The following CHCHD6 variants were observed in gnomAD, a reference collection of about 807,000 sequenced individuals.
CHCHD6 encodes the protein coiled-coil-helix-coiled-coil-helix domain containing 6.
A neutral mutation model predicts 32.3 loss-of-function variants in CHCHD6; 28 were observed. The ratio of observed to expected loss-of-function variants is 0.87; its 90% CI spans 0.64 to 1.19. The LOEUF (loss-of-function observed/expected upper bound fraction) is 1.19. Ranked by LOEUF, CHCHD6 falls within the 50% of genes most tolerant of loss-of-function variation. CHCHD6 has a pLI of 0.00. For missense variants in CHCHD6, 333 were observed against 307.0 expected (o/e 1.08, Z -0.63); for synonymous variants, 122 against 117.5 (o/e 1.04, Z -0.25).
intron 4 of CHCHD6, among the ~76,000 whole-genome samples, chr3:126,839,186 G>C (rs543869602): frequency 9.9e-5 from 15 of 152,186 alleles, no homozygotes; most frequent in African/African-American, 3.1e-4. Flanking sequence ...CACTGTGCCT[G>C]GCCATTTTAT....
intron 6 of CHCHD6, among the ~76,000 whole-genome samples, chr3:126,950,300 G>A (rs1446403704): frequency 6.6e-6 from 1 of 152,132 alleles, no homozygotes; most frequent in Non-Finnish European, 1.5e-5. Context: ...TCTCATAGAG[G>A]GAAGTGTAGT....
intron 1 of CHCHD6, among the ~76,000 whole-genome samples, chr3:126,714,113 C>CTT (rs1232683076): frequency 7.4e-6 from 1 of 135,274 alleles, no homozygotes; most frequent in East Asian, 2.3e-4. Flanking sequence ...AGTTGGGAGG[C>CTT]TTTACATAAA....
At position 126,785,267 on chromosome 3, in the gene CHCHD6, A is replaced by G. The variant is rs538770604; in HGVS notation, c.411+52045A>G. On this transcript the variant is annotated intron_variant, in intron 4 of 7. Transcript: ENST00000290913. Reference sequence around the variant, plus strand: ...TAACACTTTTCTAGGTGTGCCAACCAAAACAATCTCCAGATGTTTCCATAT... The same window carrying G: ...TAACACTTTTCTAGGTGTGCCAACCGAAACAATCTCCAGATGTTTCCATAT... 2.6e-5 allele frequency among the ~76,000 whole-genome samples: 4 copies of G among 152,322 alleles called. No homozygotes were observed. The South Asian group carries it at 6.2e-4, about 24-fold the overall frequency.
intron 4 of CHCHD6, among the ~76,000 whole-genome samples, chr3:126,844,881 GT>G (rs765196303): frequency 5.3e-5 from 8 of 152,278 alleles, no homozygotes; most frequent in Non-Finnish European, 1.0e-4. Context: ...TATGATAAGG[GT>G]AGCAGAAGTC....
At chr3:126,764,657 G>C (rs879405460) in intron 4 of CHCHD6, among the ~76,000 whole-genome samples, 1 of 152,148 alleles carries the variant, frequency 6.6e-6, no homozygotes, top group Non-Finnish European at 1.5e-5. Context: ...AGGACTTCGG[G>C]TGCTGCGTCC....
intron 4 of CHCHD6, among the ~76,000 whole-genome samples, chr3:126,844,252 A>T (rs1445538682): frequency 6.6e-6 from 1 of 152,192 alleles, no homozygotes; most frequent in Admixed American, 6.5e-5. Flanking sequence ...ATACTGTTCA[A>T]ATCTTCCATA....
chr3:126,790,174 A>G (rs1938452798), intron 4 of CHCHD6, among the ~76,000 whole-genome samples: 1 of 151,928 alleles, frequency 6.6e-6, no homozygotes, highest in Non-Finnish European at 1.5e-5. Context: ...TGGCTTGTAG[A>G]GTTTCTGCTG....
chr3:126,907,827 G>A (rs959760713), intron 5 of CHCHD6, among the ~76,000 whole-genome samples: 5 of 152,172 alleles, frequency 3.3e-5, no homozygotes, highest in East Asian at 1.9e-4. Flanking sequence ...ATTTTTCTAC[G>A]TGGAACCATG....
At chr3:126,924,081 C>T (rs574887859) in intron 6 of CHCHD6, among the ~76,000 whole-genome samples, 18 of 152,282 alleles carry the variant, frequency 1.2e-4, no homozygotes, top group Middle Eastern at 3.4e-3. Flanking sequence ...ACAGGCAATG[C>T]GTAACACAAT....
intron 5 of CHCHD6, among the ~76,000 whole-genome samples, chr3:126,910,286 A>ACAAAAAAAAAAAAC (rs2078070387): frequency 6.6e-6 from 1 of 151,240 alleles, no homozygotes; most frequent in Non-Finnish European, 1.5e-5. Context: ...AAAAAAAAAA[A>ACAAAAAAAAAAAAC]CAAAAAAAAC....
intron 5 of CHCHD6, among the ~76,000 whole-genome samples, chr3:126,913,515 T>C (rs1001038401): frequency 2.3e-4 from 35 of 152,070 alleles, no homozygotes; most frequent in Admixed American, 8.5e-4. Context: ...TGTGAGGCTT[T>C]GAGGAGTAGA....
At chr3:126,907,609 T>G (rs777872899) in intron 5 of CHCHD6, among the ~76,000 whole-genome samples, 1 of 152,234 alleles carries the variant, frequency 6.6e-6, no homozygotes, top group Non-Finnish European at 1.5e-5. Flanking sequence ...AAGCTTTGGA[T>G]AATTAGGCTG....
chr3:126,730,690 A>G (rs1159663091), intron 3 of CHCHD6, 60 bp downstream of exon 3: 1 of 1,416,926 alleles, frequency 7.1e-7, no homozygotes, highest in African/African-American at 1.4e-5. Context: ...CTCTTTCCTC[A>G]CTGGGTACCC....
chr3:126,951,062 G>A (rs1192516957), intron 6 of CHCHD6, among the ~76,000 whole-genome samples: 2 of 152,184 alleles, frequency 1.3e-5, no homozygotes, highest in Non-Finnish European at 2.9e-5. Flanking sequence ...TAATCCCCAC[G>A]TGTCAAGGAA....
intron 4 of CHCHD6, among the ~76,000 whole-genome samples, chr3:126,819,329 A>C (rs943073367): frequency 6.6e-6 from 1 of 151,984 alleles, no homozygotes; most frequent in Non-Finnish European, 1.5e-5. Flanking sequence ...GGGCAGCTTG[A>C]CCTTCCTTGC....
rs911376245 is a variant in CHCHD6 at position 126,811,557 on chromosome 3, A to AT, written c.412-41079dup. On this transcript the variant is annotated intron_variant, in intron 4 of 7. Coordinates refer to ENST00000290913, the MANE Select transcript of CHCHD6 (RefSeq NM_032343.3). ...TTCCTTTGAGTGTGGCCACTTTTCC[A>AT]TTTTTTTTTTTCCCCTGCCCCAAGC... Among the ~76,000 whole-genome samples, 1,399 of 144,910 alleles carry AT rather than the reference A, an allele frequency of 9.7e-3. 8 individuals are homozygous for AT. The highest frequency in any genetic ancestry group is 0.014 in the Middle Eastern group (4 of 276).
At chr3:126,708,108 C>T (rs537499957) in intron 1 of CHCHD6, among the ~76,000 whole-genome samples, 54 of 152,366 alleles carry the variant, frequency 3.5e-4, no homozygotes, top group African/African-American at 1.2e-3. Context: ...CAGGCAGTGC[C>T]TCTCAGGAGG....
chr3:126,761,195 A>G (rs1158909648), intron 4 of CHCHD6, among the ~76,000 whole-genome samples: 1 of 152,202 alleles, frequency 6.6e-6, no homozygotes, highest in African/African-American at 2.4e-5. Flanking sequence ...TTTGTTTTTA[A>G]TATTTTAAGG....
intron 4 of CHCHD6, among the ~76,000 whole-genome samples, chr3:126,744,457 A>G (rs1318805857): frequency 1.3e-5 from 2 of 152,108 alleles, no homozygotes. Flanking sequence ...ACCTTTGTCT[A>G]CTTGGTGGGT....
Sources: allele counts gnomAD v4.1 joint callset (sites outside exome capture counted in the v4.1 genomes callset), GRCh38; gene constraint gnomAD v4.1.1; transcripts MANE v1.5; gene names NCBI Gene and HGNC (gene_info 2026-07-23, HGNC 2026-07-21).